CRK: variants seen among roughly 807,000 people sequenced by gnomAD.
CRK encodes adapter molecule crk.
A neutral mutation model predicts 29.8 loss-of-function variants in CRK; 4 were observed. The observed-to-expected ratio is 0.13, with a 90% CI of 0.07 to 0.31. The LOEUF (loss-of-function observed/expected upper bound fraction) is 0.31. Among genes scored for constraint, CRK ranks in the 10% least tolerant of loss-of-function variants. CRK has a pLI of 1.00. For missense variants in CRK, 274 were observed against 396.5 expected (o/e 0.69, Z 2.62); for synonymous variants, 153 against 164.9 (o/e 0.93, Z 0.55).
intron 2 of CRK, among the ~76,000 whole-genome samples, chr17:1,434,176 A>G (rs2073869535): frequency 6.6e-6 from 1 of 152,120 alleles, no homozygotes; most frequent in Non-Finnish European, 1.5e-5. Flanking sequence ...TAGTGTATCT[A>G]GGGCCCATCG....
chr17:1,441,467 T>C (rs1226274317), intron 1 of CRK, among the ~76,000 whole-genome samples: 1 of 152,046 alleles, frequency 6.6e-6, no homozygotes, highest in Non-Finnish European at 1.5e-5. Context: ...TAGCTGGGAC[T>C]AAAGGTGCGG....
intron 1 of CRK, among the ~76,000 whole-genome samples, chr17:1,443,152 A>G (rs1176087957): frequency 1.3e-5 from 2 of 148,316 alleles, no homozygotes; most frequent in African/African-American, 2.5e-5. Flanking sequence ...GTAATTTTTT[A>G]TATTTTTAGT....
At chr17:1,436,557 T>C in intron 2 of CRK, 63 bp downstream of exon 2, 3 of 1,518,106 alleles carry the variant, frequency 2.0e-6, no homozygotes, top group Non-Finnish European at 2.6e-6. Context: ...TACAAAGCTC[T>C]AAGAGGACCG....
At chr17:1,430,529 TG>T (rs1338866847) in intron 2 of CRK, among the ~76,000 whole-genome samples, 1 of 147,662 alleles carries the variant, frequency 6.8e-6, no homozygotes, top group Non-Finnish European at 1.5e-5. Context: ...GCTAATTTTT[TG>T]TATTTTTTTT....
At chr17:1,440,212 T>C (rs1177576202) in intron 1 of CRK, among the ~76,000 whole-genome samples, 4 of 150,174 alleles carry the variant, frequency 2.7e-5, no homozygotes. Context: ...GGCAGGAGAA[T>C]GGCATGAACC....
At position 1,421,990 on chromosome 17, in the gene CRK, T is replaced by C. The variant is rs939236548; in HGVS notation, c.*1523A>G. 3 of 152,020 alleles carry C rather than the reference T, an allele frequency of 2.0e-5. No homozygotes were observed. In the East Asian group the frequency reaches 5.8e-4, roughly 29 times the overall value. The allele number at this position is 152,020 out of a possible 1,614,324, so 9.4% of individuals were successfully genotyped here. The stretch of plus-strand genomic sequence containing the variant: ...CTATTTTGTGGAGCACCTGACCCCA[T>C]ATAAATCATTCCATACTTAAATGGG... On this transcript the variant is annotated 3_prime_UTR_variant, in exon 3 of 3. Coordinates refer to ENST00000300574, the MANE Select transcript of CRK (RefSeq NM_016823.4).
chr17:1,436,542 A>T (rs533625751), intron 2 of CRK, 78 bp downstream of exon 2: 256 of 1,451,744 alleles, frequency 1.8e-4, no homozygotes, highest in Non-Finnish European at 2.2e-4. Flanking sequence ...TGTAGTCAGC[A>T]TTGCTACAAA....
rs1476433028 is a variant in CRK, at chr17:1,420,826, A to G, written c.*2687T>C. ...AACTGTCAAGAAAGTGTATAGTGTT[A>G]TAATACAATGGCACATGTTTATATT... On this transcript the variant is annotated 3_prime_UTR_variant, in exon 3 of 3. Coordinates refer to ENST00000300574, the MANE Select transcript of CRK (RefSeq NM_016823.4). The G allele has an allele frequency of 6.6e-6, 1 of 152,196 alleles. No individual in the cohort carries two copies. Among genetic ancestry groups the G allele is most frequent in the Non-Finnish European group, 1.5e-5 (1 of 68,038 alleles). 9.4% of individuals were successfully genotyped at this position (152,196 alleles called of 1,614,324 possible).
intron 1 of CRK, among the ~76,000 whole-genome samples, chr17:1,442,884 G>C (rs1314933135): frequency 6.6e-6 from 1 of 151,632 alleles, no homozygotes; most frequent in African/African-American, 2.4e-5. Context: ...TGGGATGACA[G>C]GCGTGAGCCA....
chr17:1,451,720 A>G (rs899580327), intron 1 of CRK, among the ~76,000 whole-genome samples: 3 of 149,864 alleles, frequency 2.0e-5, no homozygotes, highest in Admixed American at 6.7e-5. Flanking sequence ...TAGTGGGGGG[A>G]AAAAAAAACA....
chr17:1,440,459 A>T (rs12944540), intron 1 of CRK, among the ~76,000 whole-genome samples: 3,895 of 151,520 alleles, frequency 0.026, 62 homozygotes, highest in Non-Finnish European at 0.037. Context: ...CAAGACCTTG[A>T]CTCTTAAAAA....
intron 1 of CRK, among the ~76,000 whole-genome samples, chr17:1,443,585 G>A (rs1427445394): frequency 6.7e-6 from 1 of 148,570 alleles, no homozygotes; most frequent in African/African-American, 2.5e-5. Context: ...TTTTTTAGTA[G>A]AGACGGGGTT....
chr17:1,432,776 CAA>C (rs11453666), intron 2 of CRK, among the ~76,000 whole-genome samples: 11 of 80,004 alleles, frequency 1.4e-4, no homozygotes, highest in East Asian at 4.0e-4. Flanking sequence ...GACTCCGTCT[CAA>C]AAAAAAAAAA....
intron 2 of CRK, among the ~76,000 whole-genome samples, chr17:1,430,507 C>T (rs1479856074): frequency 6.6e-6 from 1 of 150,946 alleles, no homozygotes; most frequent in African/African-American, 2.4e-5. Flanking sequence ...CAGATGCCCG[C>T]CACCACGTCC....
chr17:1,436,839 G>T lies in CRK; in HGVS notation c.558C>A (p.Tyr186Ter). The change falls in exon 2 of 3, where the codon TAC becomes TAA. Residue 186 changes from tyrosine (Y) to a stop codon, truncating the protein, a stop_gained. Transcript: ENST00000300574. LOFTEE classifies it high-confidence loss of function. ...CGGAGGCAGGTCTATACTTCTCGAC[G>T]TAAGGGACTGGAATCATCCCTCTCT... is the stretch of plus-strand genomic sequence containing the variant. Reference protein sequence around the residue: ...EGKRGMIPVPYVEKYRPASAS... With the variant: ...EGKRGMIPVP The T allele has an allele frequency of 6.3e-7, 1 of 1,599,502 alleles. No individual in the cohort carries two copies. Among genetic ancestry groups the T allele is most frequent in the Non-Finnish European group, 8.5e-7 (1 of 1,172,040 alleles).
At position 1,421,385 on chromosome 17, in the gene CRK, T is replaced by C. The variant is rs566403211; in HGVS notation, c.*2128A>G. The C allele has an allele frequency of 1.3e-5, 2 of 152,358 alleles. No homozygotes were observed. The highest frequency in any genetic ancestry group is 2.1e-4 in the South Asian group (1 of 4,830). 9.4% of individuals were successfully genotyped at this position (152,358 alleles called of 1,614,324 possible). ...TTTCAGGAAAACAAGATTTAATGTG[T>C]GTGTGGACTTTACAGTATCTACGTT... On this transcript the variant is annotated 3_prime_UTR_variant, in exon 3 of 3. Coordinates refer to ENST00000300574, the MANE Select transcript of CRK (RefSeq NM_016823.4).
chr17:1,437,254 G>A, intron 1 of CRK, 99 bp from the exon 2 acceptor site: 1 of 1,330,938 alleles, frequency 7.5e-7, no homozygotes, highest in East Asian at 2.5e-5. Context: ...ATCTCACTAT[G>A]TTACCCAGGC....
chr17:1,446,302 T>A (rs1271538014), intron 1 of CRK, among the ~76,000 whole-genome samples: 1 of 152,140 alleles, frequency 6.6e-6, no homozygotes, highest in Non-Finnish European at 1.5e-5. Context: ...CACTGTGTCC[T>A]GAGATACAAC....
chr17:1,428,537 TTTTTG>T (rs2073804474), intron 2 of CRK, among the ~76,000 whole-genome samples: 1 of 149,884 alleles, frequency 6.7e-6, no homozygotes, highest in Non-Finnish European at 1.5e-5. Flanking sequence ...TTTTTTTTTT[TTTTTG>T]AGACAGCGTC....
Sources: gnomAD v4.1 joint callset for allele counts (sites outside exome capture counted in the v4.1 genomes callset) on GRCh38, gnomAD v4.1.1 for gene constraint, MANE v1.5 for transcripts, NCBI Gene and HGNC (gene_info 2026-07-23, HGNC 2026-07-21) for gene names.